The following PTPRD variants were observed in gnomAD, a reference collection of about 807,000 sequenced individuals.
The protein encoded by PTPRD is receptor-type tyrosine-protein phosphatase delta.
In PTPRD, 34 loss-of-function variants were observed where a neutral mutation model predicts 214.5. That is an observed-to-expected ratio of 0.16 (90% confidence interval 0.12 to 0.21). The LOEUF (loss-of-function observed/expected upper bound fraction) is 0.21, where lower values mean the gene tolerates loss of function less well. Ranked by LOEUF, PTPRD falls within the 10% of genes least tolerant of loss-of-function variation. The probability of loss-of-function intolerance (pLI) is 1.00; values close to 1 mark genes in which losing one functional copy is unlikely to be tolerated. For synonymous variants in PTPRD, 1,128 were observed against 845.7 expected, an observed-to-expected ratio of 1.33 and a Z score of -5.79; for missense variants, 2,545 against 2,398.7, an observed-to-expected ratio of 1.06 and a Z score of -1.27.
chr9:9,830,634 T>G (rs2054517686), intron 5 of PTPRD, among the ~76,000 whole-genome samples: 1 of 151,752 alleles, frequency 6.6e-6, no homozygotes, highest in African/African-American at 2.4e-5. Context: ...AGCACCTGAG[T>G]GTGTTAGCCA....
intron 3 of PTPRD, among the ~76,000 whole-genome samples, chr9:10,098,178 T>C (rs934030837): frequency 6.6e-6 from 1 of 151,554 alleles, no homozygotes; most frequent in Non-Finnish European, 1.5e-5. Context: ...AAATGATGAG[T>C]TCATGTCCTT....
At chr9:9,399,817 G>C (rs866282874) in intron 8 of PTPRD, among the ~76,000 whole-genome samples, 1 of 151,990 alleles carries the variant, frequency 6.6e-6, no homozygotes, top group African/African-American at 2.4e-5. Context: ...CAGCCATGTG[G>C]AACTGTGAAT....
At chr9:10,419,504 T>C (rs2098526387) in intron 2 of PTPRD, among the ~76,000 whole-genome samples, 1 of 151,940 alleles carries the variant, frequency 6.6e-6, no homozygotes, top group African/African-American at 2.4e-5. Context: ...GCAATATTTC[T>C]AAATGCTGTC....
At chr9:9,717,238 G>GT (rs1401631939) in intron 7 of PTPRD, among the ~76,000 whole-genome samples, 1 of 152,182 alleles carries the variant, frequency 6.6e-6, no homozygotes, top group African/African-American at 2.4e-5. Context: ...GTACCATGCT[G>GT]TTTTGCTTAC....
intron 3 of PTPRD, among the ~76,000 whole-genome samples, chr9:10,121,001 A>T (rs868322877): frequency 6.6e-6 from 1 of 152,150 alleles, no homozygotes; most frequent in Non-Finnish European, 1.5e-5. Context: ...AAGTATAATT[A>T]TTATTTTTTA....
chr9:8,325,730 T>A (rs1230396534), intron 44 of PTPRD, among the ~76,000 whole-genome samples: 1 of 152,174 alleles, frequency 6.6e-6, no homozygotes, highest in East Asian at 1.9e-4. Flanking sequence ...GGAATGTTCT[T>A]CCATTTGTGT....
intron 3 of PTPRD, among the ~76,000 whole-genome samples, chr9:10,090,420 A>T (rs1213577134): frequency 6.6e-6 from 1 of 151,410 alleles, no homozygotes; most frequent in African/African-American, 2.4e-5. Flanking sequence ...ATATTGATTC[A>T]TGGCAATTCT....
intron 11 of PTPRD, among the ~76,000 whole-genome samples, chr9:8,839,388 C>T (rs940630891): frequency 5.3e-5 from 8 of 152,188 alleles, no homozygotes; most frequent in South Asian, 2.1e-4. Context: ...CGCTGTGGCG[C>T]GATCTTGGCT....
intron 9 of PTPRD, among the ~76,000 whole-genome samples, chr9:9,233,274 T>C (rs943496502): frequency 6.6e-6 from 1 of 152,094 alleles, no homozygotes; most frequent in East Asian, 1.9e-4. Context: ...AAAATCTTCT[T>C]ACCAAACCAT....
chr9:8,343,774 T>C (rs896330649), intron 39 of PTPRD, among the ~76,000 whole-genome samples: 4 of 152,086 alleles, frequency 2.6e-5, no homozygotes, highest in African/African-American at 9.7e-5. Context: ...ACACAAAGCA[T>C]GCAGTAAGTG....
chr9:9,806,612 C>T (rs2099074836), intron 5 of PTPRD, among the ~76,000 whole-genome samples: 1 of 152,150 alleles, frequency 6.6e-6, no homozygotes, highest in Non-Finnish European at 1.5e-5. Context: ...TCCCACCACC[C>T]TTTACTGACT....
chr9:10,210,796 C>CATATATATATAT lies in PTPRD; in HGVS notation c.-545+130155_-545+130166dup, dbSNP rs35136618. Among the ~76,000 whole-genome samples the CATATATATATAT allele has an allele frequency of 7.6e-3, 578 of 76,052 alleles. 1 individual carries two copies. Among genetic ancestry groups the CATATATATATAT allele is most frequent in the Non-Finnish European group, 9.6e-3 (327 of 33,916 alleles). The allele number at this position is 76,052 out of a possible 152,430, so 49.9% of individuals were successfully genotyped here. ...TTATATATATAAAATCAAAAAACTT[C>CATATATATATAT]ATATATATATATATATATATATATA... On this transcript the variant is annotated intron_variant, in intron 3 of 45. Coordinates refer to ENST00000381196, the MANE Select transcript of PTPRD (RefSeq NM_002839.4).
chr9:9,543,583 G>A (rs2154275793), intron 8 of PTPRD, among the ~76,000 whole-genome samples: 1 of 151,606 alleles, frequency 6.6e-6, no homozygotes, highest in East Asian at 1.9e-4. Context: ...ATTTTTTGGT[G>A]ATGGATAATG....
At chr9:9,443,376 G>A (rs961032834) in intron 8 of PTPRD, among the ~76,000 whole-genome samples, 1 of 152,178 alleles carries the variant, frequency 6.6e-6, no homozygotes, top group Non-Finnish European at 1.5e-5. Context: ...CTACTCTTTT[G>A]TAGAGGATTA....
intron 9 of PTPRD, among the ~76,000 whole-genome samples, chr9:9,228,980 G>A (rs1016843312): frequency 6.6e-6 from 1 of 152,018 alleles, no homozygotes; most frequent in African/African-American, 2.4e-5. Context: ...TATCTATAAA[G>A]GTAAGACTTA....
intron 3 of PTPRD, among the ~76,000 whole-genome samples, chr9:10,252,671 T>A (rs138689997): frequency 0.011 from 1,624 of 152,336 alleles, 18 homozygotes; most frequent in Middle Eastern, 0.024. Context: ...ATAGATAAAT[T>A]AGCATAATCA....
At chr9:8,708,646 T>C (rs907741700) in intron 12 of PTPRD, among the ~76,000 whole-genome samples, 1 of 118,120 alleles carries the variant, frequency 8.5e-6, no homozygotes, top group Non-Finnish European at 1.6e-5. Flanking sequence ...ACCAGTGCAC[T>C]CCAGCCTGGG....
At chr9:8,560,231 A>G (rs1207029070) in intron 14 of PTPRD, among the ~76,000 whole-genome samples, 1 of 152,210 alleles carries the variant, frequency 6.6e-6, no homozygotes, top group African/African-American at 2.4e-5. Flanking sequence ...TAATCTGTAC[A>G]TGTTGATCAA....
At chr9:10,077,214 A>G (rs2098145576) in intron 3 of PTPRD, among the ~76,000 whole-genome samples, 1 of 152,134 alleles carries the variant, frequency 6.6e-6, no homozygotes, top group Non-Finnish European at 1.5e-5. Context: ...GTAATACTTT[A>G]TCATCCTTTG....
Sources: allele counts gnomAD v4.1 joint callset (sites outside exome capture counted in the v4.1 genomes callset), GRCh38; gene constraint gnomAD v4.1.1; transcripts MANE v1.5; gene names NCBI Gene and HGNC (gene_info 2026-07-23, HGNC 2026-07-21).